Variants in GRIP1 observed in about 807,000 individuals in gnomAD.
GRIP1 encodes the protein glutamate receptor-interacting protein 1.
GRIP1 carries 45 observed loss-of-function variants against 129.9 expected under a neutral mutation model. That is an observed-to-expected ratio of 0.35 (90% CI 0.27 to 0.44). The LOEUF (loss-of-function observed/expected upper bound fraction) is 0.44. Ranked by LOEUF, GRIP1 falls within the 20% of genes least tolerant of loss-of-function variation. The pLI is 1.00. For missense variants in GRIP1, 1,196 were observed against 1,396.8 expected (o/e 0.86, Z 2.29); for synonymous variants, 530 against 520.8 (o/e 1.02, Z -0.24).
At chr12:66,687,620 A>C (rs1261347357) in intron 1 of GRIP1, among the ~76,000 whole-genome samples, 1 of 152,320 alleles carries the variant, frequency 6.6e-6, no homozygotes, top group African/African-American at 2.4e-5. Context: ...GTAGTTCTAA[A>C]TTTTAACTTA....
chr12:66,568,105 A>G (rs529411455), intron 2 of GRIP1: 4 of 285,276 alleles, frequency 1.4e-5, no homozygotes, highest in Non-Finnish European at 2.8e-5. Flanking sequence ...AAATCTGTTC[A>G]GCTACAAATT....
intron 1 of GRIP1, among the ~76,000 whole-genome samples, chr12:66,871,755 C>T (rs1288696531): frequency 3.3e-5 from 5 of 152,062 alleles, no homozygotes; most frequent in Admixed American, 6.6e-5. Flanking sequence ...TTTCCCCAAT[C>T]TCCATATTAT....
intron 8 of GRIP1, among the ~76,000 whole-genome samples, chr12:66,465,050 T>C (rs1156948316): frequency 6.6e-6 from 1 of 151,626 alleles, no homozygotes; most frequent in Non-Finnish European, 1.5e-5. Flanking sequence ...GTTTAAGTGA[T>C]TCTCATGCCT....
At position 66,893,761 on chromosome 12, in the gene GRIP1, G is replaced by A. The variant is rs978661821; in HGVS notation, c.58+175289C>T. Among the ~76,000 whole-genome samples the A allele has an allele frequency of 6.6e-5, 10 of 152,254 alleles. No homozygotes were observed. In the East Asian group the frequency reaches 1.3e-3, roughly 21 times the overall value. ...TTGCAGAGTCAAAGGGTTAATGTAC[G>A]TTAAACCTCATTGGAAATTGCCAAA... is the stretch of plus-strand genomic sequence containing the variant. On this transcript the variant is annotated intron_variant, in intron 1 of 1. Coordinates refer to the GRIP1 transcript ENST00000643019.
At chr12:66,986,735 G>C (rs1372027270) in intron 1 of GRIP1, among the ~76,000 whole-genome samples, 13 of 145,830 alleles carry the variant, frequency 8.9e-5, no homozygotes, top group African/African-American at 3.3e-4. Flanking sequence ...GCTAAATGAC[G>C]AGTTAATGGG....
chr12:66,960,915 A>G (rs2041912659), intron 1 of GRIP1, among the ~76,000 whole-genome samples: 1 of 151,622 alleles, frequency 6.6e-6, no homozygotes, highest in Non-Finnish European at 1.5e-5. Flanking sequence ...GGCTACTCTG[A>G]CTCCCTCTTA....
chr12:66,454,467 G>T (rs1273982209), intron 11 of GRIP1, among the ~76,000 whole-genome samples: 1 of 152,170 alleles, frequency 6.6e-6, no homozygotes, highest in Non-Finnish European at 1.5e-5. Flanking sequence ...ACTATGATTA[G>T]GTCTAGTTAG....
At chr12:66,960,359 C>T (rs2041904984) in intron 1 of GRIP1, among the ~76,000 whole-genome samples, 1 of 152,114 alleles carries the variant, frequency 6.6e-6, no homozygotes, top group East Asian at 1.9e-4. Context: ...GCAAAACCAA[C>T]AGCACTTAGC....
chr12:66,546,041 G>A (rs1459420368), intron 2 of GRIP1, among the ~76,000 whole-genome samples: 1 of 152,096 alleles, frequency 6.6e-6, no homozygotes, highest in African/African-American at 2.4e-5. Context: ...TAGGTTTAAT[G>A]CAAACCTTAT....
intron 13 of GRIP1, among the ~76,000 whole-genome samples, chr12:66,442,701 T>A (rs4913311): frequency 0.068 from 10,155 of 149,980 alleles, 367 homozygotes; most frequent in East Asian, 0.12. Flanking sequence ...CAGGCTAATT[T>A]AAAAAAAATT....
chr12:66,685,072 C>T (rs868072395), intron 1 of GRIP1, among the ~76,000 whole-genome samples: 4 of 152,096 alleles, frequency 2.6e-5, no homozygotes, highest in African/African-American at 9.7e-5. Flanking sequence ...TTAATATACT[C>T]CCACCTGACT....
intron 1 of GRIP1, among the ~76,000 whole-genome samples, chr12:67,051,823 AC>A (rs1242913744): frequency 1.3e-5 from 2 of 152,208 alleles, no homozygotes; most frequent in Non-Finnish European, 2.9e-5. Context: ...CATTAGTTGA[AC>A]TGTTGAAACA....
At chr12:66,420,626 C>A in intron 15 of GRIP1, 94 bp downstream of exon 15, 1 of 771,538 alleles carries the variant, frequency 1.3e-6, no homozygotes, top group Non-Finnish European at 2.4e-6. Flanking sequence ...AATACAGTGA[C>A]CCATTAGAAA....
intron 1 of GRIP1, among the ~76,000 whole-genome samples, chr12:66,872,842 AATG>A (rs1592919372): frequency 6.6e-6 from 1 of 152,102 alleles, no homozygotes; most frequent in East Asian, 1.9e-4. Context: ...ACTTAATAAC[AATG>A]ATATTATTAT....
At chr12:66,450,972 T>C (rs17245879) in intron 11 of GRIP1, among the ~76,000 whole-genome samples, 35,050 of 152,174 alleles carry the variant, frequency 0.23, 4,534 homozygotes, top group Middle Eastern at 0.42. Context: ...ATTGTCTCTC[T>C]AGTAGCAGAT....
chr12:66,542,723 A>G (rs966548108), intron 2 of GRIP1, among the ~76,000 whole-genome samples: 5 of 152,244 alleles, frequency 3.3e-5, no homozygotes, highest in African/African-American at 1.2e-4. Flanking sequence ...AAAAATAAAA[A>G]TGAGTAGAGT....
At chr12:66,903,548 T>C (rs1592941480) in intron 1 of GRIP1, among the ~76,000 whole-genome samples, 1 of 152,294 alleles carries the variant, frequency 6.6e-6, no homozygotes, top group Non-Finnish European at 1.5e-5. Flanking sequence ...CTTTGCCTAA[T>C]GAAATTCTTG....
At chr12:66,581,886 T>A (rs1415713476) in intron 2 of GRIP1, among the ~76,000 whole-genome samples, 1 of 151,844 alleles carries the variant, frequency 6.6e-6, no homozygotes, top group Non-Finnish European at 1.5e-5. Context: ...AAAGAGGGAA[T>A]CCTCCCTAAC....
intron 2 of GRIP1, among the ~76,000 whole-genome samples, chr12:66,590,446 C>T (rs2063810788): frequency 6.6e-6 from 1 of 152,130 alleles, no homozygotes; most frequent in African/African-American, 2.4e-5. Flanking sequence ...ATTTGAGGAG[C>T]ACTCAGTATG....
Sources: allele counts gnomAD v4.1 joint callset (sites outside exome capture counted in the v4.1 genomes callset), GRCh38; gene constraint gnomAD v4.1.1; transcripts MANE v1.5; gene names NCBI Gene and HGNC (gene_info 2026-07-23, HGNC 2026-07-21).